Variants in MCTP2 observed in about 807,000 individuals in gnomAD.
MCTP2 encodes multiple C2 and transmembrane domain-containing protein 2.
MCTP2 carries 132 observed loss-of-function variants against 111.6 expected under a neutral mutation model. The ratio of observed to expected loss-of-function variants is 1.18; its 90% confidence interval spans 1.03 to 1.37. MCTP2 has a LOEUF of 1.37. Ranked by LOEUF, MCTP2 falls within the 40% of genes most tolerant of loss-of-function variation. MCTP2 has a pLI of 0.00. For synonymous variants in MCTP2, 395 were observed against 387.7 expected (o/e 1.02, Z -0.22); for missense variants, 1,183 against 1,067.9 (o/e 1.11, Z -1.50).
rs138719265 is a variant in MCTP2 at position 94,311,964 on chromosome 15, C to A, written c.466-2318C>A. Reference sequence around the variant, plus strand: ...CTCCTCCATTTGAAAGTAGAAGATACAAGACCATCATTATCCTTGGCTAAT... The same window carrying A: ...CTCCTCCATTTGAAAGTAGAAGATAAAAGACCATCATTATCCTTGGCTAAT... On this transcript the variant is annotated intron_variant, in intron 2 of 22. Coordinates refer to ENST00000357742, the MANE Select transcript of MCTP2 (RefSeq NM_001385001.1). Among the ~76,000 whole-genome samples the A allele has an allele frequency of 3.1e-4, 47 of 152,286 alleles. 1 individual carries two copies. In the East Asian group the frequency reaches 8.7e-3, roughly 28 times the overall value.
intron 19 of MCTP2, among the ~76,000 whole-genome samples, chr15:94,455,387 C>T (rs1204487860): frequency 6.6e-6 from 1 of 151,514 alleles, no homozygotes; most frequent in African/African-American, 2.4e-5. Flanking sequence ...CCATGTACCA[C>T]ATTTTTGTTG....
In MCTP2 at chr15:94,235,862, T is replaced by C. The variant is rs117304168; in HGVS notation, c.-66+4198T>C. Among the ~76,000 whole-genome samples, 631 of 152,358 alleles carry C rather than the reference T, an allele frequency of 4.1e-3. 22 individuals carry two copies. Among genetic ancestry groups the C allele is most frequent in the Admixed American group, 0.029 (450 of 15,310 alleles). ...TCGATGCCACTGTTATGTGTTGGCATTGGCCAAGAGGCAGGCCTGGGATTG... is the reference window on the plus strand; with the variant it reads ...TCGATGCCACTGTTATGTGTTGGCACTGGCCAAGAGGCAGGCCTGGGATTG... On this transcript the variant is annotated intron_variant, in intron 1 of 22. Coordinates refer to ENST00000357742, the MANE Select transcript of MCTP2 (RefSeq NM_001385001.1).
intron 1 of MCTP2, among the ~76,000 whole-genome samples, chr15:94,271,335 T>C (rs780625242): frequency 1.8e-4 from 28 of 152,308 alleles, no homozygotes; most frequent in Non-Finnish European, 3.4e-4. Context: ...TCTCTTTTAA[T>C]TGAAGGAAGC....
At position 94,345,159 on chromosome 15, in the gene MCTP2, A is replaced by T. The variant is rs781742639; in HGVS notation, c.1000A>T (p.Ser334Cys). 5.0e-6 allele frequency: 8 copies of T among 1,612,340 alleles called. No homozygotes were observed. Among genetic ancestry groups the T allele is most frequent in the Non-Finnish European group, 6.8e-6 (8 of 1,178,872 alleles). ...RWSNRKRLSA[S>C]KSSLIRNLRL... ...GTCAAATCGGAAGCGATTAAGTGCC[A>T]GCAAGGTAAATATACTTTTTTTTCC... The change falls in exon 8 of 23, where the codon AGC (serine) becomes TGC (cysteine). Residue 334 changes from serine to cysteine, a missense_variant. Transcript: ENST00000357742.
intron 20 of MCTP2, among the ~76,000 whole-genome samples, chr15:94,463,693 G>A (rs1051321624): frequency 4.6e-5 from 7 of 152,064 alleles, no homozygotes; most frequent in African/African-American, 1.4e-4. Flanking sequence ...TCACCCTCAA[G>A]AATGATGTTT....
chr15:94,263,278 T>A (rs1314790262), intron 1 of MCTP2, among the ~76,000 whole-genome samples: 2 of 152,216 alleles, frequency 1.3e-5, no homozygotes, highest in Non-Finnish European at 2.9e-5. Flanking sequence ...CAGCTAAGTC[T>A]CATTGTTCAC....
chr15:94,398,887 T>A, intron 14 of MCTP2, 74 bp from the exon 15 acceptor site: 1 of 852,576 alleles, frequency 1.2e-6, no homozygotes, highest in South Asian at 1.6e-5. Flanking sequence ...TTTGCCAAAG[T>A]TAGTTTTGGT....
At chr15:94,325,985 A>G (rs575802456) in intron 4 of MCTP2, among the ~76,000 whole-genome samples, 47 of 151,430 alleles carry the variant, frequency 3.1e-4, no homozygotes, top group Middle Eastern at 3.4e-3. Flanking sequence ...ATGCCCAGCT[A>G]ATTTTTGTAT....
intron 19 of MCTP2, among the ~76,000 whole-genome samples, chr15:94,445,868 T>A (rs2084087812): frequency 6.6e-6 from 1 of 152,196 alleles, no homozygotes; most frequent in Non-Finnish European, 1.5e-5. Context: ...ATCTTGAAGG[T>A]GACACTCTTT....
chr15:94,434,965 G>A (rs1291198621), intron 17 of MCTP2, among the ~76,000 whole-genome samples: 1 of 151,438 alleles, frequency 6.6e-6, no homozygotes, highest in Non-Finnish European at 1.5e-5. Flanking sequence ...TCGGGTTCAA[G>A]CGATTCTCCT....
intron 8 of MCTP2, among the ~76,000 whole-genome samples, chr15:94,349,818 TGA>T (rs2078205008): frequency 3.8e-5 from 5 of 133,024 alleles, no homozygotes; most frequent in Admixed American, 7.6e-5. Flanking sequence ...GGACTCTGTC[TGA>T]AAAAAAAAAA....
chr15:94,450,359 C>T (rs1013748682), intron 19 of MCTP2, among the ~76,000 whole-genome samples: 7 of 152,182 alleles, frequency 4.6e-5, no homozygotes, highest in South Asian at 2.1e-4. Flanking sequence ...TGTGTGTGCA[C>T]GCGCACGTGT....
At chr15:94,331,052 G>A (rs2077111832) in intron 4 of MCTP2, among the ~76,000 whole-genome samples, 1 of 152,126 alleles carries the variant, frequency 6.6e-6, no homozygotes, top group Non-Finnish European at 1.5e-5. Flanking sequence ...TGTTTTTAAT[G>A]ACCACTTTGC....
At chr15:94,303,092 T>TTATATA (rs367778742) in intron 2 of MCTP2, among the ~76,000 whole-genome samples, 42 of 21,188 alleles carry the variant, frequency 2.0e-3, no homozygotes, top group African/African-American at 3.9e-3. Flanking sequence ...TATATATAGT[T>TTATATA]TATATAGTTT....
chr15:94,437,857 T>C (rs1483261201), intron 17 of MCTP2, among the ~76,000 whole-genome samples: 1 of 151,828 alleles, frequency 6.6e-6, no homozygotes, highest in East Asian at 1.9e-4. Context: ...AGTAGCAATG[T>C]AGATGAAAGA....
chr15:94,368,160 T>A (rs1232909718), intron 11 of MCTP2, among the ~76,000 whole-genome samples: 1 of 152,230 alleles, frequency 6.6e-6, no homozygotes, highest in Non-Finnish European at 1.5e-5. Flanking sequence ...CATTAATGGT[T>A]GCAATGTTAT....
At chr15:94,236,377 CTTTTTT>C (rs71132992) in intron 1 of MCTP2, among the ~76,000 whole-genome samples, 1,377 of 72,488 alleles carry the variant, frequency 0.019, 14 homozygotes, top group African/African-American at 0.065. Context: ...TCTTTTTTTT[CTTTTTT>C]TTTTTTTTTT....
At chr15:94,349,108 C>T (rs961103116) in intron 8 of MCTP2, among the ~76,000 whole-genome samples, 1 of 152,164 alleles carries the variant, frequency 6.6e-6, no homozygotes, top group African/African-American at 2.4e-5. Context: ...TGACCCACTG[C>T]TGAATGTCGT....
intron 11 of MCTP2, among the ~76,000 whole-genome samples, chr15:94,368,377 T>G (rs1378013342): frequency 6.6e-6 from 1 of 152,252 alleles, no homozygotes; most frequent in Non-Finnish European, 1.5e-5. Flanking sequence ...TCATTTATTT[T>G]TTGTACTCTG....
Sources: allele counts gnomAD v4.1 joint callset (sites outside exome capture counted in the v4.1 genomes callset), GRCh38; gene constraint gnomAD v4.1.1; transcripts MANE v1.5; gene names NCBI Gene and HGNC (gene_info 2026-07-23, HGNC 2026-07-21).